Variants in RPH3A observed in about 807,000 individuals in gnomAD.
RPH3A encodes the protein rabphilin 3A.
RPH3A carries 48 observed loss-of-function variants against 102.2 expected under a neutral mutation model. The observed-to-expected ratio is 0.47, with a 90% CI of 0.37 to 0.60. RPH3A has a LOEUF of 0.60. Among genes scored for constraint, RPH3A ranks in the 20% least tolerant of loss-of-function variants. The pLI is 0.00. For synonymous variants in RPH3A, 310 were observed against 324.3 expected, an observed-to-expected ratio of 0.96 and a Z score of 0.47; for missense variants, 781 against 910.1, an observed-to-expected ratio of 0.86 and a Z score of 1.83.
chr12:112,883,430 G>T, intron 16 of RPH3A, 28 bp downstream of exon 16: 1 of 1,555,900 alleles, frequency 6.4e-7, no homozygotes, highest in Non-Finnish European at 8.9e-7. Flanking sequence ...GGCAGAGAGG[G>T]AGGCAAAGGG....
intron 1 of RPH3A, among the ~76,000 whole-genome samples, chr12:112,620,434 T>C (rs1236705459): frequency 1.3e-5 from 2 of 152,348 alleles, no homozygotes; most frequent in Middle Eastern, 3.4e-3. Context: ...CACATTCTCC[T>C]GGTCGTTTCC....
At chr12:112,607,637 C>T (rs185463072) in intron 1 of RPH3A, among the ~76,000 whole-genome samples, 1 of 152,282 alleles carries the variant, frequency 6.6e-6, no homozygotes, top group Admixed American at 6.5e-5. Context: ...TGAAGGGTTT[C>T]CAGCAAGTTA....
chr12:112,858,203 G>C (rs2042442195), intron 5 of RPH3A, among the ~76,000 whole-genome samples: 1 of 146,868 alleles, frequency 6.8e-6, no homozygotes, highest in African/African-American at 2.5e-5. Flanking sequence ...GGAGTTTGAG[G>C]CTGCAGCGAG....
intron 1 of RPH3A, among the ~76,000 whole-genome samples, chr12:112,721,123 C>T (rs2040547480): frequency 6.6e-6 from 1 of 152,168 alleles, no homozygotes; most frequent in Non-Finnish European, 1.5e-5. Context: ...ATGTAAGCTA[C>T]CTAGCATAGT....
chr12:112,721,377 A>G (rs965567982), intron 1 of RPH3A, among the ~76,000 whole-genome samples: 1 of 152,216 alleles, frequency 6.6e-6, no homozygotes, highest in African/African-American at 2.4e-5. Context: ...TGGAAAAGGA[A>G]GAATGTTAAA....
At chr12:112,671,431 G>C (rs1398246745) in intron 1 of RPH3A, among the ~76,000 whole-genome samples, 7 of 152,150 alleles carry the variant, frequency 4.6e-5, no homozygotes, top group Non-Finnish European at 1.5e-5. Flanking sequence ...CAGTAAGAAA[G>C]AAGGAAGGGG....
intron 1 of RPH3A, among the ~76,000 whole-genome samples, chr12:112,696,161 T>A (rs1385884054): frequency 2.0e-5 from 3 of 152,220 alleles, no homozygotes; most frequent in African/African-American, 7.2e-5. Context: ...GCACAAGACA[T>A]TGTTTTGTTC....
intron 1 of RPH3A, among the ~76,000 whole-genome samples, chr12:112,732,832 A>G (rs2040643828): frequency 6.6e-6 from 1 of 152,148 alleles, no homozygotes; most frequent in African/African-American, 2.4e-5. Context: ...TCTTCCTTGA[A>G]GGTGGATCTA....
rs2043081946 is a variant in RPH3A at position 112,890,849 on chromosome 12, C to A, written c.1621C>A (p.Gln541Lys). Residue 541 changes from glutamine to lysine, a missense_variant and splice_region_variant, in exon 19 of 22, where the codon CAG becomes AAG. Gln to Lys is a moderately conservative substitution (Grantham distance 53). Around this residue, in one of 2 missense-constraint regions of RPH3A, gnomAD observed 730 missense variants for 810.0 expected, o/e 0.90. Transcript: ENST00000389385. ...ARGMALYEEE[Q>K]VERVGDIEER... ...CACACTGCCTTTTCCCCCAATGCAGCAGGTGGAGCGTGTTGGTGACATCGA... is the reference window on the plus strand; with the variant it reads ...CACACTGCCTTTTCCCCCAATGCAGAAGGTGGAGCGTGTTGGTGACATCGA... 2 of 1,613,172 alleles carry A rather than the reference C, an allele frequency of 1.2e-6. No homozygotes were observed. The highest frequency in any genetic ancestry group is 2.2e-5 in the South Asian group (2 of 90,884).
At chr12:112,759,437 C>T (rs1044247304) in intron 1 of RPH3A, among the ~76,000 whole-genome samples, 8 of 152,118 alleles carry the variant, frequency 5.3e-5, no homozygotes, top group South Asian at 2.1e-4. Context: ...TGGACTGATC[C>T]GCCACTCAGA....
chr12:112,868,337 G>C (rs2042645967), intron 7 of RPH3A, 93 bp from the exon 8 acceptor site: 5 of 1,285,034 alleles, frequency 3.9e-6, no homozygotes, highest in Non-Finnish European at 4.4e-6. Context: ...AGTGTGCTTT[G>C]GATGAGGAGG....
chr12:112,790,108 G>C (rs191926485), upstream of RPH3A, among the ~76,000 whole-genome samples: 2 of 152,002 alleles, frequency 1.3e-5, no homozygotes, highest in African/African-American at 4.8e-5. Flanking sequence ...CCAGGTTGGA[G>C]TGTAATGGTG....
At chr12:112,718,950 A>T (rs974748234) in intron 1 of RPH3A, among the ~76,000 whole-genome samples, 2 of 152,218 alleles carry the variant, frequency 1.3e-5, no homozygotes, top group Admixed American at 6.5e-5. Context: ...CACAGAATTT[A>T]TGATTCCACC....
At chr12:112,875,480 G>A (rs2136235590) in intron 11 of RPH3A, among the ~76,000 whole-genome samples, 199 bp from the exon 12 acceptor site, 1 of 152,252 alleles carries the variant, frequency 6.6e-6, no homozygotes, top group Non-Finnish European at 1.5e-5. Context: ...GGCTCAGGAA[G>A]TTCCCACAGC....
intron 2 of RPH3A, among the ~76,000 whole-genome samples, chr12:112,804,357 T>G (rs2041416554): frequency 6.6e-6 from 1 of 152,180 alleles, no homozygotes; most frequent in African/African-American, 2.4e-5. Context: ...CTGTGAGCAC[T>G]TCCAGGTGGA....
At position 112,697,914 on chromosome 12, in the gene RPH3A, A is replaced by C. The variant is rs923316143; in HGVS notation, c.-139-94229A>C. 2.6e-4 allele frequency among the ~76,000 whole-genome samples: 40 copies of C among 152,140 alleles called. 1 individual carries two copies. The highest frequency in any genetic ancestry group is 9.7e-4 in the African/African-American group (40 of 41,446). ...TTTTTTTTCTTTAAAGAAATTGACA[A>C]ATGAATTCTAAAAGTTATATGGAAG... On this transcript the variant is annotated intron_variant, in intron 1 of 21. Coordinates refer to the RPH3A transcript ENST00000543106.
upstream of RPH3A, among the ~76,000 whole-genome samples, chr12:112,790,633 C>A (rs79434178): frequency 6.6e-6 from 1 of 152,206 alleles, no homozygotes; most frequent in South Asian, 2.1e-4. Flanking sequence ...AGATATGGAG[C>A]ACTGGGAGCC....
chr12:112,640,188 G>A (rs946730916), intron 1 of RPH3A, among the ~76,000 whole-genome samples: 1 of 151,458 alleles, frequency 6.6e-6, no homozygotes, highest in African/African-American at 2.4e-5. Flanking sequence ...AGCCGGGCGT[G>A]GTGGCACGTG....
At chr12:112,722,323 G>A (rs2040557090) in intron 1 of RPH3A, among the ~76,000 whole-genome samples, 2 of 152,194 alleles carry the variant, frequency 1.3e-5, no homozygotes, top group African/African-American at 4.8e-5. Context: ...AGACTAAATG[G>A]GCATGGGCCA....
Sources: allele counts gnomAD v4.1 joint callset (sites outside exome capture counted in the v4.1 genomes callset), GRCh38; gene constraint gnomAD v4.1.1; regional missense constraint gnomAD v4.1.1; transcripts MANE v1.5; gene names NCBI Gene and HGNC (gene_info 2026-07-23, HGNC 2026-07-21).